Variants in ADAM12 observed in about 807,000 individuals in gnomAD.
The protein encoded by ADAM12 is ADAM metallopeptidase domain 12, also known as disintegrin and metalloproteinase domain-containing protein 12.
A neutral mutation model predicts 106.4 loss-of-function variants in ADAM12; 70 were observed. The ratio of observed to expected loss-of-function variants is 0.66; its 90% CI spans 0.54 to 0.80. ADAM12 has a LOEUF of 0.80. Ranked by LOEUF, ADAM12 falls within the 30% of genes least tolerant of loss-of-function variation. The probability of loss-of-function intolerance (pLI) is 0.00; values close to 1 mark genes in which losing one functional copy is unlikely to be tolerated. For synonymous variants in ADAM12, 420 were observed against 433.5 expected, an observed-to-expected ratio of 0.97 and a Z score of 0.39; for missense variants, 1,010 against 1,171.9, an observed-to-expected ratio of 0.86 and a Z score of 2.02.
chr10:126,358,374 A>C (rs1036049488), intron 1 of ADAM12, among the ~76,000 whole-genome samples: 14 of 152,228 alleles, frequency 9.2e-5, no homozygotes, highest in African/African-American at 3.1e-4. Context: ...ACATCACATT[A>C]AGAGAACATA....
chr10:126,271,007 T>C (rs1234758042), intron 3 of ADAM12, among the ~76,000 whole-genome samples: 2 of 152,150 alleles, frequency 1.3e-5, no homozygotes, highest in Non-Finnish European at 2.9e-5. Flanking sequence ...TGCCAGCCAC[T>C]GGTCAGCGGC....
At chr10:126,212,787 C>T (rs1957925014) in intron 3 of ADAM12, among the ~76,000 whole-genome samples, 1 of 152,168 alleles carries the variant, frequency 6.6e-6, no homozygotes, top group South Asian at 2.1e-4. Context: ...TAAGCAAAGG[C>T]TTTTCTCCCT....
At chr10:126,229,602 C>T (rs1307344867) in intron 3 of ADAM12, among the ~76,000 whole-genome samples, 1 of 146,792 alleles carries the variant, frequency 6.8e-6, no homozygotes, top group African/African-American at 2.6e-5. Flanking sequence ...TGTGCATTCT[C>T]TCCCTCTCCC....
intron 3 of ADAM12, among the ~76,000 whole-genome samples, chr10:126,265,544 A>C (rs1437340099): frequency 6.6e-6 from 1 of 152,194 alleles, no homozygotes; most frequent in Non-Finnish European, 1.5e-5. Flanking sequence ...TTGACATGGC[A>C]CAAGAGAAGA....
chr10:126,054,278 T>C (rs536371451), intron 14 of ADAM12, among the ~76,000 whole-genome samples: 1 of 152,320 alleles, frequency 6.6e-6, no homozygotes, highest in South Asian at 2.1e-4. Context: ...CAAAATGGGA[T>C]GAAGTCACAG....
Position 126,255,394 on chromosome 10 carries a change from C to T in ADAM12, c.260+23521G>A, listed in dbSNP as rs566145771. ...TGGTGTCCCGAGTCCAGCTCTCGTT[C>T]GCATTCAGTCCCAGCTTCCTCCCCA... On this transcript the variant is annotated intron_variant, in intron 3 of 22. Transcript: ENST00000448723. Among the ~76,000 whole-genome samples, 13 of 152,214 alleles carry T rather than the reference C, an allele frequency of 8.5e-5. No homozygotes were observed. The South Asian group carries it at 1.2e-3, about 15-fold the overall frequency.
At chr10:126,109,690 T>C (rs1379560527) in intron 7 of ADAM12, 85 bp downstream of exon 7, 13 of 1,220,588 alleles carry the variant, frequency 1.1e-5, no homozygotes, top group Middle Eastern at 1.9e-4. Context: ...ATGAGGTTCA[T>C]TAAAGCAAGT....
chr10:126,381,229 C>A (rs1208383393), intron 1 of ADAM12, among the ~76,000 whole-genome samples: 1 of 152,130 alleles, frequency 6.6e-6, no homozygotes, highest in African/African-American at 2.4e-5. Context: ...GAAAATACAT[C>A]TATATGTCGA....
intron 3 of ADAM12, among the ~76,000 whole-genome samples, chr10:126,174,195 C>T (rs1349597900): frequency 6.6e-6 from 1 of 151,662 alleles, no homozygotes; most frequent in East Asian, 1.9e-4. Context: ...CTCCCCCTTC[C>T]CCCCACTGCC....
At chr10:126,017,676 A>G (rs1005854393) in intron 22 of ADAM12, among the ~76,000 whole-genome samples, 3 of 152,266 alleles carry the variant, frequency 2.0e-5, no homozygotes, top group African/African-American at 7.2e-5. Flanking sequence ...TCAACAGGTC[A>G]TCATCAATAG....
At chr10:126,108,806 C>A in intron 7 of ADAM12, 142 bp from the exon 8 acceptor site, 1 of 730,524 alleles carries the variant, frequency 1.4e-6, no homozygotes, top group East Asian at 2.8e-5. Context: ...GAGCTTGCAT[C>A]CTGCCGACTA....
intron 4 of ADAM12, among the ~76,000 whole-genome samples, chr10:126,138,767 A>G (rs1590480809): frequency 6.6e-6 from 1 of 150,630 alleles, no homozygotes; most frequent in African/African-American, 2.4e-5. Flanking sequence ...TTCTGGTACC[A>G]TGTCTAAGAA....
intron 21 of ADAM12, among the ~76,000 whole-genome samples, chr10:126,021,068 G>A (rs1012607623): frequency 1.3e-5 from 2 of 151,590 alleles, no homozygotes; most frequent in Non-Finnish European, 2.9e-5. Context: ...ATACCCATGA[G>A]AGAGGGGTTC....
At chr10:126,195,627 G>C (rs186179608) in intron 3 of ADAM12, among the ~76,000 whole-genome samples, 5 of 151,964 alleles carry the variant, frequency 3.3e-5, no homozygotes, top group African/African-American at 7.3e-5. Flanking sequence ...AATTAGACCA[G>C]TTAAGCCCTT....
intron 2 of ADAM12, among the ~76,000 whole-genome samples, chr10:126,309,763 A>G (rs2133813651): frequency 6.6e-6 from 1 of 152,338 alleles, no homozygotes; most frequent in East Asian, 1.9e-4. Flanking sequence ...GAATAGTTAA[A>G]TAATCAGATT....
rs539522059 is a variant in ADAM12, at chr10:126,333,465, T to C, written c.89-2956A>G. Among the ~76,000 whole-genome samples the C allele has an allele frequency of 1.7e-3, 261 of 152,252 alleles. 7 individuals carry two copies. Among genetic ancestry groups the C allele is most frequent in the South Asian group, 0.01 (49 of 4,824 alleles). On this transcript the variant is annotated intron_variant, in intron 1 of 22. Coordinates refer to ENST00000448723, the MANE Select transcript of ADAM12 (RefSeq NM_001288973.2). ...TAGACTTCCCTTGAGAAGCTGTATG[T>C]GTGAGGAGGAAGGAGATGATGCGTG...
rs1954544584 is a variant in ADAM12, at chr10:126,053,073, G to A, written c.1610-3404C>T. The stretch of plus-strand genomic sequence containing the variant: ...GGTGCTATTCTTGGGATAGTGAGTT[G>A]AGATCTGGTCGTTTAAAAGTGTGTG... On this transcript the variant is annotated intron_variant, in intron 14 of 22. Transcript: ENST00000448723. This position sits in a 1 kb window ranked among gnomAD's most constrained non-coding sequence, Gnocchi z 4.6. Among the ~76,000 whole-genome samples, 1 of 152,108 alleles carries A rather than the reference G, an allele frequency of 6.6e-6. No individual in the cohort carries two copies. The highest frequency in any genetic ancestry group is 1.5e-5 in the Non-Finnish European group (1 of 68,012).
At chr10:126,188,461 CT>C (rs1277321271) in intron 3 of ADAM12, among the ~76,000 whole-genome samples, 1 of 152,190 alleles carries the variant, frequency 6.6e-6, no homozygotes, top group Non-Finnish European at 1.5e-5. Context: ...AATGGTCCAT[CT>C]GTTTTTTTCC....
In ADAM12 at chr10:126,048,855, C is replaced by T. The variant is rs146574529; in HGVS notation, c.1917+398G>A. Among the ~76,000 whole-genome samples, 809 of 152,222 alleles carry T rather than the reference C, an allele frequency of 5.3e-3. 5 individuals carry two copies. Among genetic ancestry groups the T allele is most frequent in the African/African-American group, 0.018 (752 of 41,536 alleles). On this transcript the variant is annotated intron_variant, in intron 16 of 22. Transcript: ENST00000448723. ...TTTCCCTCTCCTATTCTTCTCTCTA[C>T]AGGGTTCTAAAAATACATCTGATTT...
Sources: gnomAD v4.1 joint callset for allele counts (sites outside exome capture counted in the v4.1 genomes callset) on GRCh38, gnomAD v4.1.1 for gene constraint, Gnocchi (gnomAD v3.1) non-coding constraint, MANE v1.5 for transcripts, NCBI Gene and HGNC (gene_info 2026-07-23, HGNC 2026-07-21) for gene names.